Variants in HCN1 observed in about 807,000 individuals in gnomAD.
The protein encoded by HCN1 is hyperpolarization activated cyclic nucleotide gated potassium channel 1.
A neutral mutation model predicts 78.9 loss-of-function variants in HCN1; 13 were observed. The observed-to-expected ratio is 0.16, with a 90% CI of 0.11 to 0.26. The LOEUF (loss-of-function observed/expected upper bound fraction) is 0.26, where lower values mean the gene tolerates loss of function less well. Ranked by LOEUF, HCN1 falls within the 10% of genes least tolerant of loss-of-function variation. The pLI, the probability that HCN1 is intolerant of heterozygous loss-of-function variation, is 1.00. For synonymous variants in HCN1, 552 were observed against 455.5 expected (o/e 1.21, Z -2.70); for missense variants, 810 against 1,154.3 (o/e 0.70, Z 4.32).
chr5:45,388,481 G>A (rs552558217), intron 4 of HCN1, among the ~76,000 whole-genome samples: 96 of 152,250 alleles, frequency 6.3e-4, no homozygotes, highest in African/African-American at 2.3e-3. Flanking sequence ...CCCTAGGGTG[G>A]TGCTGGTCTC....
chr5:45,324,373 T>C (rs1014855620), intron 5 of HCN1, among the ~76,000 whole-genome samples: 1 of 151,902 alleles, frequency 6.6e-6, no homozygotes, highest in Non-Finnish European at 1.5e-5. Flanking sequence ...AAAGAAGACA[T>C]TTATGCAGCC....
chr5:45,311,254 A>C (rs1745846867), intron 5 of HCN1, among the ~76,000 whole-genome samples: 1 of 152,178 alleles, frequency 6.6e-6, no homozygotes. Flanking sequence ...GAGAAACAAA[A>C]ATGTTGTTCC....
At chr5:45,615,247 C>T (rs1339798246) in intron 2 of HCN1, among the ~76,000 whole-genome samples, 1 of 151,966 alleles carries the variant, frequency 6.6e-6, no homozygotes, top group Non-Finnish European at 1.5e-5. Flanking sequence ...CCTGATAATT[C>T]TAGGCATCTC....
At chr5:45,644,299 T>C (rs568490359) in intron 2 of HCN1, 1 of 152,186 alleles carries the variant, frequency 6.6e-6, no homozygotes, top group African/African-American at 2.4e-5. Context: ...CTTACGCTTA[T>C]GCAGACTATA....
At chr5:45,569,043 G>A (rs1430861395) in intron 2 of HCN1, among the ~76,000 whole-genome samples, 1 of 151,956 alleles carries the variant, frequency 6.6e-6, no homozygotes, top group Non-Finnish European at 1.5e-5. Flanking sequence ...TTTTATGACT[G>A]GTGTCCTGCC....
chr5:45,660,255 A>G lies in HCN1; in HGVS notation c.426-14647T>C, dbSNP rs1745900168. On this transcript the variant is annotated intron_variant, in intron 1 of 7. Transcript: ENST00000303230. ...ATACTTTATAGACAAGCAAATGCTG[A>G]GAGATTTTGTCACCAGCAGGCCTGC... Among the ~76,000 whole-genome samples the G allele has an allele frequency of 2.7e-5, 3 of 110,310 alleles. 1 individual carries two copies. The highest frequency in any genetic ancestry group is 6.1e-4 in the South Asian group (2 of 3,288). The allele number at this position is 110,310 out of a possible 152,430, so 72.4% of individuals were successfully genotyped here. A position where few individuals can be genotyped will look rare whatever the true frequency, so the allele number is the denominator to read the frequency against.
intron 6 of HCN1, among the ~76,000 whole-genome samples, chr5:45,277,928 T>C (rs1426079921): frequency 6.6e-6 from 1 of 152,132 alleles, no homozygotes; most frequent in Admixed American, 6.6e-5. Context: ...CAAAGTGGTG[T>C]TGGGCCACTG....
At chr5:45,291,380 C>A (rs907944507) in intron 6 of HCN1, among the ~76,000 whole-genome samples, 3 of 152,036 alleles carry the variant, frequency 2.0e-5, no homozygotes, top group Non-Finnish European at 4.4e-5. Flanking sequence ...CCGAGCTCAT[C>A]TTTTATAAAT....
intron 2 of HCN1, chr5:45,558,897 T>C (rs2111871798): frequency 6.6e-6 from 1 of 150,826 alleles, no homozygotes; most frequent in South Asian, 2.1e-4. Context: ...GGATTATAGG[T>C]ACATACCACC....
chr5:45,271,755 A>G (rs1323182241), intron 6 of HCN1, among the ~76,000 whole-genome samples: 2 of 152,152 alleles, frequency 1.3e-5, no homozygotes, highest in African/African-American at 4.8e-5. Context: ...TTATTTAATC[A>G]CCTACAAAAA....
At position 45,483,041 on chromosome 5, in the gene HCN1, G is replaced by A. The variant is rs1177893812; in HGVS notation, c.850-21034C>T. On this transcript the variant is annotated intron_variant, in intron 2 of 7. Coordinates refer to ENST00000303230, the MANE Select transcript of HCN1 (RefSeq NM_021072.4). ...GCATAAGGGTTGATTCCATGTCTTT[G>A]CTATTGTAAATAGCACAGCAATGAA... is the stretch of plus-strand genomic sequence containing the variant. 3.9e-5 allele frequency among the ~76,000 whole-genome samples: 6 copies of A among 152,168 alleles called. No homozygotes were observed. The East Asian group carries it at 1.2e-3, about 29-fold the overall frequency.
chr5:45,492,893 A>C (rs1293496627), intron 2 of HCN1, among the ~76,000 whole-genome samples: 1 of 152,138 alleles, frequency 6.6e-6, no homozygotes, highest in Non-Finnish European at 1.5e-5. Flanking sequence ...ATGAGAAGAA[A>C]CTAGAGTATG....
chr5:45,275,247 G>GAAAAAAAAAAAA (rs779327836), intron 6 of HCN1, among the ~76,000 whole-genome samples: 1 of 103,756 alleles, frequency 9.6e-6, no homozygotes. Context: ...CTCTGTCTCA[G>GAAAAAAAAAAAA]AAAAAAAAAA....
rs1305940004 is a variant in HCN1, at chr5:45,255,799, A to G, written c.*6122T>C. 4.6e-5 allele frequency: 7 copies of G among 152,190 alleles called. No individual in the cohort carries two copies. Among genetic ancestry groups the G allele is most frequent in the African/African-American group, 1.2e-4 (5 of 41,446 alleles). 9.4% of individuals were successfully genotyped at this position (152,190 alleles called of 1,614,324 possible). On this transcript the variant is annotated 3_prime_UTR_variant, in exon 8 of 8. Coordinates refer to ENST00000303230, the MANE Select transcript of HCN1 (RefSeq NM_021072.4). ...CAGGAGTTTTCCTCACAAATTTAAC[A>G]GGAAATAAAAACCTTTCAAGAAAGT... is the stretch of plus-strand genomic sequence containing the variant.
chr5:45,648,572 T>C (rs1745617024), intron 1 of HCN1, among the ~76,000 whole-genome samples: 1 of 152,112 alleles, frequency 6.6e-6, no homozygotes, highest in African/African-American at 2.4e-5. Flanking sequence ...TCACCTGTTC[T>C]AGAAGTGCAA....
At chr5:45,523,113 GT>G (rs1404999122) in intron 2 of HCN1, among the ~76,000 whole-genome samples, 1 of 151,710 alleles carries the variant, frequency 6.6e-6, no homozygotes, top group African/African-American at 2.4e-5. Flanking sequence ...GTGGTGTTTG[GT>G]TTTTTGTCCT....
chr5:45,617,671 A>T (rs1744980852), intron 2 of HCN1, among the ~76,000 whole-genome samples: 1 of 152,108 alleles, frequency 6.6e-6, no homozygotes, highest in Admixed American at 6.6e-5. Context: ...TAAAATTGAG[A>T]GAAAATCTAA....
intron 5 of HCN1, among the ~76,000 whole-genome samples, chr5:45,332,755 T>A (rs1236775225): frequency 6.6e-6 from 1 of 151,680 alleles, no homozygotes; most frequent in East Asian, 1.9e-4. Context: ...TCTTTTTGTG[T>A]CTGGCTTATT....
chr5:45,593,670 A>ATTATTG, intron 2 of HCN1, among the ~76,000 whole-genome samples: 1 of 66,360 alleles, frequency 1.5e-5, no homozygotes, highest in Non-Finnish European at 3.4e-5. Context: ...ATTATTATTG[A>ATTATTG]ATTTTATTTA....
Sources: allele counts gnomAD v4.1 joint callset (sites outside exome capture counted in the v4.1 genomes callset), GRCh38; gene constraint gnomAD v4.1.1; transcripts MANE v1.5; gene names NCBI Gene and HGNC (gene_info 2026-07-23, HGNC 2026-07-21).